NRG3: variants seen among roughly 807,000 people sequenced by gnomAD.
NRG3 encodes pro-neuregulin-3, membrane-bound isoform.
In NRG3, 31 loss-of-function variants were observed where a neutral mutation model predicts 66.9. That is an observed-to-expected ratio of 0.46 (90% CI 0.35 to 0.63). NRG3 has a LOEUF of 0.63. NRG3 is among the 20% of genes least tolerant of loss of function. NRG3 has a pLI of 0.00. For synonymous variants in NRG3, 393 were observed against 359.4 expected (o/e 1.09, Z -1.06); for missense variants, 910 against 878.9 (o/e 1.04, Z -0.45).
At chr10:82,418,713 T>A (rs923143221) in intron 2 of NRG3, among the ~76,000 whole-genome samples, 1 of 152,062 alleles carries the variant, frequency 6.6e-6, no homozygotes, top group Non-Finnish European at 1.5e-5. Context: ...CAATCCTGCC[T>A]CCTCAGCCTC....
chr10:82,761,949 TTTC>T (rs1470783744), intron 3 of NRG3, among the ~76,000 whole-genome samples: 20 of 145,566 alleles, frequency 1.4e-4, no homozygotes, highest in African/African-American at 4.7e-4. Flanking sequence ...TCTTTCTTTC[TTTC>T]TTTCTTTCTT....
chr10:82,947,694 T>G (rs1410480521), intron 4 of NRG3, among the ~76,000 whole-genome samples: 2 of 152,120 alleles, frequency 1.3e-5, no homozygotes, highest in African/African-American at 4.8e-5. Context: ...TTGGGTATCT[T>G]TTTAGGTACT....
chr10:82,490,274 A>G (rs937128129), intron 2 of NRG3, among the ~76,000 whole-genome samples: 4 of 152,058 alleles, frequency 2.6e-5, no homozygotes, highest in Admixed American at 2.0e-4. Flanking sequence ...CTGTTCTCCT[A>G]ACTTTTTCAG....
chr10:82,402,702 A>C (rs1442171787), intron 2 of NRG3, among the ~76,000 whole-genome samples: 1 of 152,166 alleles, frequency 6.6e-6, no homozygotes, highest in African/African-American at 2.4e-5. Context: ...GAAATCAATA[A>C]AACTTTTAGT....
intron 2 of NRG3, among the ~76,000 whole-genome samples, chr10:82,425,624 G>A (rs555127657): frequency 5.3e-5 from 8 of 151,792 alleles, no homozygotes; most frequent in Non-Finnish European, 1.5e-5. Flanking sequence ...TTTTCTTTTG[G>A]TGTGACTTGT....
intron 2 of NRG3, among the ~76,000 whole-genome samples, chr10:82,491,420 C>A (rs938167066): frequency 6.7e-6 from 1 of 148,458 alleles, no homozygotes; most frequent in Non-Finnish European, 1.5e-5. Context: ...ACCACAAGGG[C>A]ATAAATTTGG....
intron 2 of NRG3, among the ~76,000 whole-genome samples, chr10:82,432,377 T>C (rs1408924344): frequency 6.6e-6 from 1 of 151,966 alleles, no homozygotes; most frequent in African/African-American, 2.4e-5. Flanking sequence ...TTATTTTTCT[T>C]ACCACAGTGA....
At chr10:82,837,107 G>A (rs2062821016) in intron 3 of NRG3, among the ~76,000 whole-genome samples, 1 of 152,136 alleles carries the variant, frequency 6.6e-6, no homozygotes, top group African/African-American at 2.4e-5. Context: ...ATTCCATGGT[G>A]TACATGTGCC....
At chr10:82,961,147 A>C (rs950897719) in intron 6 of NRG3, among the ~76,000 whole-genome samples, 42 of 152,238 alleles carry the variant, frequency 2.8e-4, no homozygotes, top group African/African-American at 1.0e-3. Context: ...AATTAAGAAA[A>C]CACTTCCATT....
intron 4 of NRG3, among the ~76,000 whole-genome samples, chr10:82,865,866 C>A (rs138828793): frequency 3.9e-4 from 60 of 152,178 alleles, no homozygotes; most frequent in African/African-American, 1.4e-3. Flanking sequence ...CTTCTAAGTC[C>A]CCTTCCTTTT....
chr10:82,951,449 T>C lies in NRG3; in HGVS notation c.1055-20T>C. On this transcript the variant is annotated intron_variant, in intron 4 of 8. Transcript: ENST00000372141. ...GCACCCCGCTAGCATCCATTCTAATTTTGTTTTTCAAATTCACAGAGAGTG... is the reference window on the plus strand; with the variant it reads ...GCACCCCGCTAGCATCCATTCTAATCTTGTTTTTCAAATTCACAGAGAGTG... The C allele has an allele frequency of 6.3e-7, 1 of 1,589,304 alleles. No individual in the cohort carries two copies. Among genetic ancestry groups the C allele is most frequent in the Non-Finnish European group, 8.6e-7 (1 of 1,157,558 alleles).
intron 1 of NRG3, among the ~76,000 whole-genome samples, chr10:81,907,104 C>T (rs1039623442): frequency 1.3e-4 from 20 of 151,986 alleles, no homozygotes; most frequent in African/African-American, 4.8e-4. Flanking sequence ...AAAATAGCAC[C>T]ATTTGAAGAC....
At chr10:82,357,984 C>T (rs1361305474) in intron 1 of NRG3, among the ~76,000 whole-genome samples, 1 of 152,132 alleles carries the variant, frequency 6.6e-6, no homozygotes, top group African/African-American at 2.4e-5. Flanking sequence ...GGAACAATGT[C>T]TACATGTGGT....
chr10:82,418,445 A>G (rs2088779675), intron 2 of NRG3, among the ~76,000 whole-genome samples: 1 of 152,348 alleles, frequency 6.6e-6, no homozygotes, highest in African/African-American at 2.4e-5. Context: ...CAAATTAACC[A>G]GTTTATGCAA....
At chr10:82,851,496 T>A (rs1366984179) in intron 3 of NRG3, among the ~76,000 whole-genome samples, 1 of 152,166 alleles carries the variant, frequency 6.6e-6, no homozygotes, top group Middle Eastern at 3.2e-3. Context: ...ACCTAGAAAA[T>A]CTTTAGTGTA....
intron 1 of NRG3, among the ~76,000 whole-genome samples, chr10:82,018,842 C>G (rs1227361811): frequency 6.6e-6 from 1 of 151,606 alleles, no homozygotes; most frequent in African/African-American, 2.4e-5. Flanking sequence ...TGGGCTGAGA[C>G]GATGGGGTTT....
intron 1 of NRG3, among the ~76,000 whole-genome samples, chr10:82,269,495 A>G (rs1456463451): frequency 6.6e-6 from 1 of 152,042 alleles, no homozygotes; most frequent in Non-Finnish European, 1.5e-5. Context: ...CTGGCCTTCC[A>G]TTGGTCACTC....
At chr10:82,858,942 CTTTTTTT>C (rs534067829) in intron 3 of NRG3, among the ~76,000 whole-genome samples, 3 of 124,230 alleles carry the variant, frequency 2.4e-5, no homozygotes, top group Admixed American at 8.3e-5. Context: ...AGTAGTCTAA[CTTTTTTT>C]TTTTTTTTTT....
intron 1 of NRG3, among the ~76,000 whole-genome samples, chr10:82,107,938 A>G (rs930944812): frequency 6.6e-6 from 1 of 152,194 alleles, no homozygotes; most frequent in Non-Finnish European, 1.5e-5. Context: ...CATCAAGGGT[A>G]CTTATTAAAT....
Sources: allele counts gnomAD v4.1 joint callset (sites outside exome capture counted in the v4.1 genomes callset), GRCh38; gene constraint gnomAD v4.1.1; transcripts MANE v1.5; gene names NCBI Gene and HGNC (gene_info 2026-07-23, HGNC 2026-07-21).